Variants in ROBO2 observed in about 807,000 individuals in gnomAD.
The protein encoded by ROBO2 is roundabout homolog 2.
ROBO2 carries 53 observed loss-of-function variants against 160.8 expected under a neutral mutation model. The ratio of observed to expected loss-of-function variants is 0.33; its 90% confidence interval spans 0.26 to 0.41. ROBO2 has a LOEUF of 0.41. ROBO2 is among the 10% of genes least tolerant of loss of function. The pLI is 1.00. For synonymous variants in ROBO2, 664 were observed against 611.7 expected (o/e 1.09, Z -1.26); for missense variants, 1,577 against 1,722.4 (o/e 0.92, Z 1.49).
chr3:76,198,072 A>C (rs1310739367), intron 2 of ROBO2, among the ~76,000 whole-genome samples: 2 of 152,174 alleles, frequency 1.3e-5, no homozygotes, highest in East Asian at 1.9e-4. Flanking sequence ...CTCTAGGCCG[A>C]GAGTTTTCCA....
chr3:77,459,769 A>G (rs758469293), intron 2 of ROBO2, among the ~76,000 whole-genome samples: 3 of 152,100 alleles, frequency 2.0e-5, no homozygotes, highest in Non-Finnish European at 4.4e-5. Flanking sequence ...TAAATAATGT[A>G]GAAACAAGAC....
At chr3:76,745,541 A>C (rs2093871210) in intron 2 of ROBO2, among the ~76,000 whole-genome samples, 1 of 152,132 alleles carries the variant, frequency 6.6e-6, no homozygotes, top group East Asian at 1.9e-4. Context: ...GTTAGAAAAT[A>C]ATTTTGCAAC....
chr3:77,488,017 A>T (rs971892247), intron 4 of ROBO2, among the ~76,000 whole-genome samples: 1 of 152,146 alleles, frequency 6.6e-6, no homozygotes, highest in Non-Finnish European at 1.5e-5. Flanking sequence ...CACATTTCAG[A>T]TTTATGGTAT....
chr3:77,259,725 A>G lies in ROBO2; in HGVS notation c.388+161385A>G, dbSNP rs192228989. ...AGGAGTAAGAGGTATGAAAAATTAC[A>G]TGTCGTTTTACAATCACTTCCGTGC... On this transcript the variant is annotated intron_variant, in intron 2 of 25. Coordinates refer to ENST00000461745, the Ensembl canonical transcript of ROBO2. 2.6e-5 allele frequency among the ~76,000 whole-genome samples: 4 copies of G among 152,334 alleles called. No homozygotes were observed. In the East Asian group the frequency reaches 5.8e-4, roughly 22 times the overall value.
chr3:77,291,320 G>A (rs2061215868), intron 2 of ROBO2, among the ~76,000 whole-genome samples: 2 of 151,978 alleles, frequency 1.3e-5, no homozygotes, highest in African/African-American at 4.8e-5. Context: ...CGGGAAGGCT[G>A]AGGCTAGATC....
chr3:76,726,873 G>T (rs1245597105), intron 2 of ROBO2, among the ~76,000 whole-genome samples: 3 of 152,104 alleles, frequency 2.0e-5, no homozygotes, highest in African/African-American at 7.2e-5. Context: ...ATCTCGTACA[G>T]CTACAAAAAG....
chr3:76,119,781 T>C (rs59310657), intron 2 of ROBO2, among the ~76,000 whole-genome samples: 2,509 of 152,156 alleles, frequency 0.016, 71 homozygotes, highest in African/African-American at 0.057. Flanking sequence ...TCATCAGTCA[T>C]AGAGTATTAG....
At chr3:76,212,505 G>A (rs1703207904) in intron 2 of ROBO2, among the ~76,000 whole-genome samples, 1 of 151,862 alleles carries the variant, frequency 6.6e-6, no homozygotes, top group South Asian at 2.1e-4. Context: ...AAAACTTAAT[G>A]TTCTTAGCAA....
At chr3:77,103,847 G>C (rs1249894411) in intron 2 of ROBO2, among the ~76,000 whole-genome samples, 1 of 152,136 alleles carries the variant, frequency 6.6e-6, no homozygotes, top group Non-Finnish European at 1.5e-5. Context: ...TAGTATGAGA[G>C]GGCACAGGTG....
At chr3:77,016,108 C>A (rs1380121937) in intron 2 of ROBO2, among the ~76,000 whole-genome samples, 2 of 152,192 alleles carry the variant, frequency 1.3e-5, no homozygotes, top group African/African-American at 4.8e-5. Context: ...TCCCGAGTAG[C>A]TGGGACTACA....
At chr3:77,493,352 A>G in exon 5 of ROBO2, 1 of 1,614,124 alleles carries the variant, frequency 6.2e-7, no homozygotes, top group Non-Finnish European at 8.5e-7. Context: ...GTGAGGTGGA[A>G]AAAGGATGAT....
At chr3:77,569,223 G>T (rs1439312963) in intron 13 of ROBO2, among the ~76,000 whole-genome samples, 2 of 151,874 alleles carry the variant, frequency 1.3e-5, no homozygotes, top group Non-Finnish European at 2.9e-5. Flanking sequence ...TTGATAAACT[G>T]CCAAAATGCT....
chr3:76,144,142 TA>T lies in ROBO2; in HGVS notation c.109+206544del, dbSNP rs1233108580. Among the ~76,000 whole-genome samples the T allele has an allele frequency of 9.2e-5, 14 of 152,008 alleles. No homozygotes were observed. The East Asian group carries it at 2.7e-3, about 30-fold the overall frequency. The stretch of plus-strand genomic sequence containing the variant: ...ATTGTGGCCCAGCTAATTTGACACA[TA>T]AAATTAGTCATCACAAGGGGCGAGG... On this transcript the variant is annotated intron_variant, in intron 2 of 26. Coordinates refer to the ROBO2 transcript ENST00000487694.
At chr3:75,996,594 A>T (rs1036642115) in intron 2 of ROBO2, among the ~76,000 whole-genome samples, 1 of 152,196 alleles carries the variant, frequency 6.6e-6, no homozygotes, top group African/African-American at 2.4e-5. Context: ...TTCCTTATCT[A>T]CATCATAAGA....
chr3:76,187,760 C>T (rs1014854570), intron 2 of ROBO2, among the ~76,000 whole-genome samples: 1 of 152,018 alleles, frequency 6.6e-6, no homozygotes, highest in South Asian at 2.1e-4. Flanking sequence ...TGAATATGTC[C>T]ACCTCTTTTT....
At chr3:76,394,081 A>G (rs1019024504) in intron 2 of ROBO2, among the ~76,000 whole-genome samples, 3 of 152,072 alleles carry the variant, frequency 2.0e-5, no homozygotes, top group African/African-American at 7.2e-5. Context: ...TCTTTAGCCA[A>G]TTTGCCAGTC....
intron 2 of ROBO2, among the ~76,000 whole-genome samples, chr3:76,226,949 G>T (rs1244830070): frequency 6.6e-6 from 1 of 152,182 alleles, no homozygotes; most frequent in Non-Finnish European, 1.5e-5. Context: ...GCCTCACTGT[G>T]CATGTCAGCT....
chr3:77,489,244 T>C (rs2085767886), intron 4 of ROBO2, among the ~76,000 whole-genome samples: 1 of 152,222 alleles, frequency 6.6e-6, no homozygotes, highest in Admixed American at 6.5e-5. Flanking sequence ...TCTTTGCCTT[T>C]GTTTTGCTTT....
At chr3:76,774,038 G>T (rs1397400903) in intron 2 of ROBO2, among the ~76,000 whole-genome samples, 2 of 150,830 alleles carry the variant, frequency 1.3e-5, no homozygotes, top group Admixed American at 6.6e-5. Context: ...TGATGATGTT[G>T]TTATTTCTGT....
Sources: allele counts gnomAD v4.1 joint callset (sites outside exome capture counted in the v4.1 genomes callset), GRCh38; gene constraint gnomAD v4.1.1; transcripts MANE v1.5; gene names NCBI Gene and HGNC (gene_info 2026-07-23, HGNC 2026-07-21).